The following PIP5K1B variants were observed in gnomAD, a reference collection of about 807,000 sequenced individuals.
PIP5K1B encodes the protein phosphatidylinositol-4-phosphate 5-kinase type 1 beta, also known as phosphatidylinositol 4-phosphate 5-kinase type-1 beta.
PIP5K1B carries 42 observed loss-of-function variants against 67.0 expected under a neutral mutation model. That is an observed-to-expected ratio of 0.63 (90% CI 0.49 to 0.81). The LOEUF (loss-of-function observed/expected upper bound fraction) is 0.81, where lower values mean the gene tolerates loss of function less well. PIP5K1B is among the 30% of genes least tolerant of loss of function. The pLI is 0.00. For synonymous variants in PIP5K1B, 214 were observed against 231.4 expected, an observed-to-expected ratio of 0.92 and a Z score of 0.68; for missense variants, 459 against 646.3, an observed-to-expected ratio of 0.71 and a Z score of 3.14.
intron 14 of PIP5K1B, among the ~76,000 whole-genome samples, chr9:68,945,581 G>A (rs1049971029): frequency 2.6e-5 from 4 of 152,136 alleles, no homozygotes; most frequent in Non-Finnish European, 5.9e-5. Context: ...AATAATAATC[G>A]AATACAATAG....
At chr9:68,714,444 C>G (rs1827539215) in intron 1 of PIP5K1B, among the ~76,000 whole-genome samples, 1 of 152,182 alleles carries the variant, frequency 6.6e-6, no homozygotes, top group Admixed American at 6.5e-5. Context: ...TATCCTAGCC[C>G]AACTTCTTGT....
chr9:68,815,380 TC>T (rs1481595371), intron 2 of PIP5K1B, among the ~76,000 whole-genome samples: 8 of 151,780 alleles, frequency 5.3e-5, no homozygotes, highest in Non-Finnish European at 4.4e-5. Context: ...GTAATTGGCC[TC>T]AAAACAATTA....
intron 2 of PIP5K1B, chr9:68,783,044 TC>T (rs1466547853): frequency 1.2e-5 from 2 of 167,200 alleles, no homozygotes; most frequent in African/African-American, 4.8e-5. Flanking sequence ...CTGAGTGATC[TC>T]CCAGCCTGTC....
chr9:68,972,268 G>C (rs1175632774), intron 14 of PIP5K1B, among the ~76,000 whole-genome samples: 1 of 152,134 alleles, frequency 6.6e-6, no homozygotes, highest in Non-Finnish European at 1.5e-5. Flanking sequence ...GCTTGTTTTT[G>C]TCAGGTTTGT....
intron 2 of PIP5K1B, chr9:68,781,160 A>G: frequency 8.2e-7 from 1 of 1,225,320 alleles, no homozygotes; most frequent in East Asian, 2.4e-5. Context: ...ATTCCCTGAA[A>G]TGATGTTATT....
intron 8 of PIP5K1B, among the ~76,000 whole-genome samples, chr9:68,903,682 T>G (rs903345183): frequency 6.6e-6 from 1 of 152,200 alleles, no homozygotes; most frequent in African/African-American, 2.4e-5. Context: ...TGCAAGATAG[T>G]GTCAGGGTAG....
At chr9:68,788,195 A>G in intron 2 of PIP5K1B, 1 of 316,496 alleles carries the variant, frequency 3.2e-6, no homozygotes, top group Non-Finnish European at 5.9e-6. Flanking sequence ...TAAGGGGAAA[A>G]AGGAATGTGT....
At chr9:68,819,917 GT>G (rs2132061149) in intron 3 of PIP5K1B, among the ~76,000 whole-genome samples, 1 of 152,048 alleles carries the variant, frequency 6.6e-6, no homozygotes, top group African/African-American at 2.4e-5. Context: ...AAAAGGAAGT[GT>G]TTTAAAAAAA....
In PIP5K1B at chr9:68,838,404, G is replaced by C. The variant is rs570044596; in HGVS notation, c.69+15721G>C. Among the ~76,000 whole-genome samples the C allele has an allele frequency of 1.1e-4, 16 of 152,254 alleles. No homozygotes were observed. In the South Asian group the frequency reaches 3.3e-3, roughly 32 times the overall value. ...CAAATGCCTCTTGTACTGTTTCCAAGAGTGCATTCTTTGTACACACAAGTT... is the reference window on the plus strand; with the variant it reads ...CAAATGCCTCTTGTACTGTTTCCAACAGTGCATTCTTTGTACACACAAGTT... On this transcript the variant is annotated intron_variant, in intron 4 of 15. Coordinates refer to ENST00000265382, the MANE Select transcript of PIP5K1B (RefSeq NM_003558.4).
At chr9:68,907,293 C>T (rs1159392909) in intron 8 of PIP5K1B, among the ~76,000 whole-genome samples, 1 of 152,186 alleles carries the variant, frequency 6.6e-6, no homozygotes, top group Admixed American at 6.6e-5. Flanking sequence ...GAGAACATTG[C>T]CACAGGCCTC....
At chr9:68,768,367 C>G (rs1414833702) in intron 2 of PIP5K1B, among the ~76,000 whole-genome samples, 1 of 152,194 alleles carries the variant, frequency 6.6e-6, no homozygotes, top group Non-Finnish European at 1.5e-5. Context: ...GACACTTTAC[C>G]TACAAGACAC....
At chr9:68,716,340 C>T (rs758155184) in intron 1 of PIP5K1B, among the ~76,000 whole-genome samples, 2 of 152,164 alleles carry the variant, frequency 1.3e-5, no homozygotes, top group African/African-American at 2.4e-5. Flanking sequence ...TCTCTCCCAT[C>T]ACAGAATATA....
intron 4 of PIP5K1B, among the ~76,000 whole-genome samples, chr9:68,837,862 A>G (rs1048890107): frequency 6.6e-6 from 1 of 151,676 alleles, no homozygotes; most frequent in African/African-American, 2.4e-5. Flanking sequence ...TTCTATTGTG[A>G]TTTTTGTTGA....
At chr9:68,864,687 T>C (rs960317446) in intron 5 of PIP5K1B, among the ~76,000 whole-genome samples, 2 of 152,260 alleles carry the variant, frequency 1.3e-5, no homozygotes, top group Non-Finnish European at 2.9e-5. Flanking sequence ...TTAAAAATTC[T>C]ATTACTACGT....
intron 14 of PIP5K1B, among the ~76,000 whole-genome samples, chr9:68,961,026 A>T (rs530069157): frequency 6.6e-6 from 1 of 151,796 alleles, no homozygotes; most frequent in Non-Finnish European, 1.5e-5. Context: ...CTGGCTAACA[A>T]GGTGAAACCC....
chr9:69,007,668 T>C (rs537643507), intron 15 of PIP5K1B, among the ~76,000 whole-genome samples: 103 of 152,182 alleles, frequency 6.8e-4, no homozygotes, highest in East Asian at 3.3e-3. Context: ...CCATCCTGGC[T>C]AACACAGTGA....
At position 68,989,981 on chromosome 9, in the gene PIP5K1B, C is replaced by CA. The variant is rs540266580; in HGVS notation, c.1503-1148dup. Reference sequence around the variant, plus strand: ...TGGGCAAGAGAGCAAGACTCCGTCTCAAAAAAAAAAACAAGAGGACCAGTT... The same window carrying CA: ...TGGGCAAGAGAGCAAGACTCCGTCTCAAAAAAAAAAAACAAGAGGACCAGTT... On this transcript the variant is annotated intron_variant, in intron 14 of 15. Coordinates refer to ENST00000265382, the MANE Select transcript of PIP5K1B (RefSeq NM_003558.4). Among the ~76,000 whole-genome samples the CA allele has an allele frequency of 1.6e-3, 224 of 141,148 alleles. 1 individual carries two copies. In the South Asian group the frequency reaches 0.033, roughly 21 times the overall value. 92.6% of individuals were successfully genotyped at this position (141,148 alleles called of 152,430 possible).
intron 2 of PIP5K1B, among the ~76,000 whole-genome samples, chr9:68,765,092 T>C (rs1040722497): frequency 1.3e-5 from 2 of 152,138 alleles, no homozygotes; most frequent in Non-Finnish European, 2.9e-5. Flanking sequence ...CATTTGTTCT[T>C]AACTGTTTTT....
At chr9:68,885,232 CACTT>C (rs538027377) in intron 6 of PIP5K1B, among the ~76,000 whole-genome samples, 70 of 152,254 alleles carry the variant, frequency 4.6e-4, no homozygotes, top group African/African-American at 1.5e-3. Context: ...CACATGATCT[CACTT>C]ACTTGTGGAA....
Sources: allele counts gnomAD v4.1 joint callset (sites outside exome capture counted in the v4.1 genomes callset), GRCh38; gene constraint gnomAD v4.1.1; transcripts MANE v1.5; gene names NCBI Gene and HGNC (gene_info 2026-07-23, HGNC 2026-07-21).